The following CHD7 variants were observed in gnomAD, a reference collection of about 807,000 sequenced individuals.
The protein encoded by CHD7 is ATP-dependent chromatin remodeler CHD7.
In CHD7, 24 loss-of-function variants were observed where a neutral mutation model predicts 307.3. The ratio of observed to expected loss-of-function variants is 0.08; its 90% CI spans 0.06 to 0.11. The LOEUF is 0.11. Ranked by LOEUF, CHD7 falls within the 10% of genes least tolerant of loss-of-function variation. The probability of loss-of-function intolerance (pLI) is 1.00; values close to 1 mark genes in which losing one functional copy is unlikely to be tolerated. For missense variants in CHD7, 3,106 were observed against 3,727.1 expected (o/e 0.83, Z 4.34); for synonymous variants, 1,363 against 1,349.9 (o/e 1.01, Z -0.21).
intron 2 of CHD7, among the ~76,000 whole-genome samples, chr8:60,767,902 G>A (rs1014401666): frequency 5.9e-5 from 9 of 152,178 alleles, no homozygotes; most frequent in African/African-American, 1.9e-4. Context: ...CATATATTCA[G>A]CATAGACTAA....
At chr8:60,737,188 A>G (rs913375385) in intron 1 of CHD7, among the ~76,000 whole-genome samples, 4 of 152,150 alleles carry the variant, frequency 2.6e-5, no homozygotes, top group Non-Finnish European at 4.4e-5. Context: ...AAATTTACCA[A>G]TAGCTCCAAT....
intron 1 of CHD7, among the ~76,000 whole-genome samples, chr8:60,704,842 C>G (rs1806940978): frequency 6.6e-6 from 1 of 152,072 alleles, no homozygotes; most frequent in Admixed American, 6.5e-5. Flanking sequence ...AAGAGGTACC[C>G]TTTCTCTTGA....
chr8:60,817,318 C>T (rs1803796586), intron 8 of CHD7, among the ~76,000 whole-genome samples: 1 of 152,174 alleles, frequency 6.6e-6, no homozygotes. Context: ...CAATTTGATG[C>T]AAAATAGTAT....
In CHD7 at chr8:60,796,195, G is replaced by A. The variant is rs181862345; in HGVS notation, c.2238+1068G>A. 4.1e-4 allele frequency among the ~76,000 whole-genome samples: 62 copies of A among 152,288 alleles called. 1 individual carries two copies. Among genetic ancestry groups the A allele is most frequent in the Admixed American group, 3.8e-3 (58 of 15,298 alleles). ...GAATGAATATGTTTTGGTTTAGTTCGGTTTGGTTGTGTAACTAACAGTGAT... is the reference window on the plus strand; with the variant it reads ...GAATGAATATGTTTTGGTTTAGTTCAGTTTGGTTGTGTAACTAACAGTGAT... On this transcript the variant is annotated intron_variant, in intron 4 of 37. Transcript: ENST00000423902.
At position 60,854,530 on chromosome 8, in the gene CHD7, A is replaced by T; in HGVS notation, c.6936+7A>T. Reference sequence around the variant, plus strand: ...CTTCTCGTTTTGGCCTAAGGTTGGCAGGTTTTTGTTGCTGTTGTTTTGCTG... The same window carrying T: ...CTTCTCGTTTTGGCCTAAGGTTGGCTGGTTTTTGTTGCTGTTGTTTTGCTG... On this transcript the variant is annotated splice_region_variant and intron_variant, in intron 32 of 37. Transcript: ENST00000423902. The T allele has an allele frequency of 6.3e-7, 1 of 1,581,732 alleles. No homozygotes were observed. Among genetic ancestry groups the T allele is most frequent in the South Asian group, 1.1e-5 (1 of 87,522 alleles).
intron 7 of CHD7, among the ~76,000 whole-genome samples, chr8:60,816,117 C>CTGTCTGTCTG (rs1563624933): frequency 3.0e-5 from 1 of 32,828 alleles, no homozygotes; most frequent in African/African-American, 1.2e-4. Context: ...CTGTCTGTCT[C>CTGTCTGTCTG]TCTCTCTCTC....
At chr8:60,739,054 G>C (rs1808856262) in intron 1 of CHD7, among the ~76,000 whole-genome samples, 1 of 152,104 alleles carries the variant, frequency 6.6e-6, no homozygotes, top group Non-Finnish European at 1.5e-5. Flanking sequence ...AGCTTGATCT[G>C]ACTCTGCCTC....
intron 1 of CHD7, among the ~76,000 whole-genome samples, chr8:60,728,064 C>G (rs1808260429): frequency 6.6e-6 from 1 of 152,214 alleles, no homozygotes; most frequent in South Asian, 2.1e-4. Context: ...AGGCTCCAGT[C>G]TTGTACCTTT....
Position 60,828,764 on chromosome 8 carries a change from C to T in CHD7, c.3480C>T (p.Thr1160=). The change falls in exon 14 of 38, where the codon ACC becomes ACT. Residue 1160 remains threonine, a synonymous_variant. Coordinates refer to ENST00000423902, the MANE Select transcript of CHD7 (RefSeq NM_017780.4). ...AACCAAGTCGCTTCCCTTCAGAAAC[C>T]ACATTTATGCAAGAATTTGGTGATC... is the stretch of plus-strand genomic sequence containing the variant. ...FLEPSRFPSE[T]TFMQEFGDLK... is the part of the protein sequence containing the mutation. The T allele has an allele frequency of 6.2e-7, 1 of 1,613,612 alleles. No homozygotes were observed. Among genetic ancestry groups the T allele is most frequent in the Non-Finnish European group, 8.5e-7 (1 of 1,179,704 alleles).
intron 1 of CHD7, among the ~76,000 whole-genome samples, chr8:60,738,270 T>C (rs1808805859): frequency 6.6e-6 from 1 of 152,258 alleles, no homozygotes; most frequent in African/African-American, 2.4e-5. Context: ...ACTAGCTTAT[T>C]CATTTTTTTA....
At chr8:60,862,506 G>T in intron 36 of CHD7, 42 bp from the exon 37 acceptor site, 1 of 1,524,024 alleles carries the variant, frequency 6.6e-7, no homozygotes, top group Non-Finnish European at 8.9e-7. Flanking sequence ...AAAGGGGAGG[G>T]AAGACTGTGT....
chr8:60,680,059 T>C (rs902440093), intron 1 of CHD7, among the ~76,000 whole-genome samples: 22 of 151,228 alleles, frequency 1.5e-4, no homozygotes, highest in Non-Finnish European at 2.4e-4. Context: ...CGGCGGCAGC[T>C]GCATAATAGC....
intron 33 of CHD7, 67 bp downstream of exon 33, chr8:60,856,269 G>A: frequency 1.5e-6 from 2 of 1,351,536 alleles, no homozygotes; most frequent in Non-Finnish European, 2.0e-6. Flanking sequence ...GAGTTTGCGA[G>A]CTTATATTTC....
At chr8:60,692,775 A>G (rs1048322871) in intron 1 of CHD7, among the ~76,000 whole-genome samples, 1 of 151,940 alleles carries the variant, frequency 6.6e-6, no homozygotes, top group African/African-American at 2.4e-5. Context: ...TTTCCCTTCC[A>G]TGCTGCCTCA....
Position 60,867,591 on chromosome 8 carries a change from G to A in CHD7, c.*1658G>A, listed in dbSNP as rs1806280572. The A allele has an allele frequency of 6.6e-6, 1 of 152,238 alleles. No homozygotes were observed. Among genetic ancestry groups the A allele is most frequent in the Non-Finnish European group, 1.5e-5 (1 of 68,060 alleles). 9.4% of individuals were successfully genotyped at this position (152,238 alleles called of 1,614,324 possible). ...AGTTAAAAAGCAGGGGAAGGGATGT[G>A]GACGAGAGTGTTTCGTGTGTGTTGC... On this transcript the variant is annotated 3_prime_UTR_variant, in exon 38 of 38. Coordinates refer to ENST00000423902, the MANE Select transcript of CHD7 (RefSeq NM_017780.4).
intron 16 of CHD7, 56 bp from the exon 17 acceptor site, chr8:60,836,761 A>G: frequency 7.9e-7 from 1 of 1,258,452 alleles, no homozygotes; most frequent in Non-Finnish European, 1.1e-6. Context: ...TAAAAAAAGG[A>G]GCAAGTATGT....
Position 60,867,178 on chromosome 8 carries a change from A to G in CHD7, c.*1245A>G, listed in dbSNP as rs750848366. On this transcript the variant is annotated 3_prime_UTR_variant, in exon 38 of 38. Coordinates refer to ENST00000423902, the MANE Select transcript of CHD7 (RefSeq NM_017780.4). ...CAAAAGGGCATCTGAGACCGAGAATACTTAGAAATGTGTGCAGCGTGTGAT... is the reference window on the plus strand; with the variant it reads ...CAAAAGGGCATCTGAGACCGAGAATGCTTAGAAATGTGTGCAGCGTGTGAT... 1 of 152,242 alleles carries G rather than the reference A, an allele frequency of 6.6e-6. No homozygotes were observed. The highest frequency in any genetic ancestry group is 1.5e-5 in the Non-Finnish European group (1 of 68,038). The allele number at this position is 152,242 out of a possible 1,614,324, so 9.4% of individuals were successfully genotyped here. A position where few individuals can be genotyped will look rare whatever the true frequency, so the allele number is the denominator to read the frequency against.
chr8:60,852,277 C>G, intron 29 of CHD7, 30 bp downstream of exon 29: 1 of 1,581,458 alleles, frequency 6.3e-7, no homozygotes, highest in Middle Eastern at 1.9e-4. Flanking sequence ...CCACTCAGCT[C>G]CCGGTACATG....
At chr8:60,710,208 T>C (rs1458269117) in intron 1 of CHD7, among the ~76,000 whole-genome samples, 32 of 151,672 alleles carry the variant, frequency 2.1e-4, no homozygotes, top group African/African-American at 7.7e-4. Context: ...TTGATCATAA[T>C]TCTTGTGCAA....
Sources: gnomAD v4.1 joint callset for allele counts (sites outside exome capture counted in the v4.1 genomes callset) on GRCh38, gnomAD v4.1.1 for gene constraint, MANE v1.5 for transcripts, NCBI Gene and HGNC (gene_info 2026-07-23, HGNC 2026-07-21) for gene names.